The following TMEM108 variants were observed in gnomAD, a reference collection of about 807,000 sequenced individuals.
TMEM108 encodes the protein cancer/testis antigen 124.
In TMEM108, 12 loss-of-function variants were observed where a neutral mutation model predicts 35.1. The ratio of observed to expected loss-of-function variants is 0.34; its 90% confidence interval spans 0.22 to 0.55. The LOEUF (loss-of-function observed/expected upper bound fraction) is 0.55, where lower values mean the gene tolerates loss of function less well. TMEM108 is among the 20% of genes least tolerant of loss of function. TMEM108 has a pLI of 0.89. For missense variants in TMEM108, 680 were observed against 753.3 expected (o/e 0.90, Z 1.14); for synonymous variants, 287 against 308.6 (o/e 0.93, Z 0.73).
chr3:133,379,928 C>T lies in TMEM108; in HGVS notation c.217C>T (p.Pro73Ser), dbSNP rs202042493. 6.2e-7 allele frequency: 1 copy of T among 1,613,496 alleles called. No individual in the cohort carries two copies. Among genetic ancestry groups the T allele is most frequent in the Non-Finnish European group, 8.5e-7 (1 of 1,179,778 alleles). The change falls in exon 4 of 6, where the codon CCC (proline) becomes TCC (serine). Residue 73 changes from proline to serine, a missense_variant. Physicochemically the swap from Pro to Ser is moderately conservative, Grantham distance 74 (BLOSUM62 -1). This residue lies in a region of TMEM108 where 526 missense variants were observed against 532.1 expected (regional missense o/e 0.99). Transcript: ENST00000321871. ...GATGCTGACCCCCAATCCCGATGGACCCCCCTCACAGGCTGCAGCTCCCAT... is the reference window on the plus strand; with the variant it reads ...GATGCTGACCCCCAATCCCGATGGATCCCCCTCACAGGCTGCAGCTCCCAT... The part of the protein sequence containing the change: ...VVMLTPNPDG[P>S]PSQAAAPMAT...
At chr3:133,297,821 C>G (rs562168757) in intron 3 of TMEM108, among the ~76,000 whole-genome samples, 2 of 152,104 alleles carry the variant, frequency 1.3e-5, no homozygotes, top group Non-Finnish European at 1.5e-5. Context: ...CCCCTCCAGG[C>G]GAAAGCTGAT....
intron 3 of TMEM108, among the ~76,000 whole-genome samples, chr3:133,357,405 T>C (rs185645155): frequency 6.2e-4 from 94 of 152,310 alleles, no homozygotes; most frequent in Middle Eastern, 6.8e-3. Context: ...TCTATCATTC[T>C]ATCCAGCAAT....
intron 3 of TMEM108, among the ~76,000 whole-genome samples, chr3:133,324,030 A>G (rs2071299136): frequency 6.6e-6 from 1 of 152,212 alleles, no homozygotes; most frequent in Non-Finnish European, 1.5e-5. Context: ...TCAACTCAAG[A>G]TAGATCAAAG....
chr3:133,120,994 C>T (rs1323477212), intron 2 of TMEM108: 2 of 152,178 alleles, frequency 1.3e-5, no homozygotes, highest in Non-Finnish European at 2.9e-5. Flanking sequence ...TGAACTGTAT[C>T]GATATGTTAT....
intron 3 of TMEM108, among the ~76,000 whole-genome samples, chr3:133,231,179 A>G (rs997717040): frequency 2.0e-5 from 3 of 152,236 alleles, no homozygotes; most frequent in Non-Finnish European, 2.9e-5. Flanking sequence ...TAGCATCAAC[A>G]CACACAATAT....
intron 3 of TMEM108, among the ~76,000 whole-genome samples, chr3:133,233,012 G>C (rs1048606999): frequency 6.8e-6 from 1 of 148,034 alleles, no homozygotes; most frequent in African/African-American, 2.5e-5. Flanking sequence ...TCAAATCCTA[G>C]GTTTACCACT....
intron 2 of TMEM108, among the ~76,000 whole-genome samples, chr3:133,199,696 T>C (rs1376721318): frequency 6.6e-6 from 1 of 152,204 alleles, no homozygotes; most frequent in Admixed American, 6.5e-5. Context: ...AGTCGGCCTC[T>C]ACTGGGAGGT....
intron 3 of TMEM108, among the ~76,000 whole-genome samples, chr3:133,326,329 G>A (rs915624086): frequency 1.3e-5 from 2 of 152,096 alleles, no homozygotes; most frequent in African/African-American, 4.8e-5. Context: ...CCTATTCTGG[G>A]TCTTTGGCTT....
At chr3:133,158,502 A>C (rs1944915120) in intron 2 of TMEM108, among the ~76,000 whole-genome samples, 1 of 150,990 alleles carries the variant, frequency 6.6e-6, no homozygotes, top group Non-Finnish European at 1.5e-5. Context: ...AAAGAAAGAA[A>C]TTGTTGTGAC....
intron 2 of TMEM108, among the ~76,000 whole-genome samples, chr3:133,107,030 T>A (rs1944161176): frequency 6.6e-6 from 1 of 152,172 alleles, no homozygotes; most frequent in East Asian, 1.9e-4. Context: ...TTGAACAGAT[T>A]GTAAAAAACT....
intron 2 of TMEM108, among the ~76,000 whole-genome samples, chr3:133,073,476 GTATTC>G (rs1294507098): frequency 4.1e-5 from 3 of 73,626 alleles, no homozygotes; most frequent in African/African-American, 6.3e-5. Flanking sequence ...AGGCTGAATA[GTATTC>G]TATTCTCTCT....
chr3:133,058,849 G>T (rs1943504344), intron 2 of TMEM108, among the ~76,000 whole-genome samples: 1 of 152,228 alleles, frequency 6.6e-6, no homozygotes, highest in Non-Finnish European at 1.5e-5. Flanking sequence ...CCTGCACTGT[G>T]AGAGGCACAT....
rs1224768499 is a variant in TMEM108 at position 133,202,828 on chromosome 3, G to C, written c.-46-26438G>C. On this transcript the variant is annotated intron_variant, in intron 2 of 5. Transcript: ENST00000321871. ...AAATTAGTTTTTCTAATTCTGTGAA[G>C]AAAGTCAGTGGTAGCTTGATGGGGA... is the stretch of plus-strand genomic sequence containing the variant. Among the ~76,000 whole-genome samples, 7 of 152,166 alleles carry C rather than the reference G, an allele frequency of 4.6e-5. No homozygotes were observed. The East Asian group carries it at 1.3e-3, about 29-fold the overall frequency.
At chr3:133,119,877 C>G (rs759028954) in intron 2 of TMEM108, among the ~76,000 whole-genome samples, 9 of 152,198 alleles carry the variant, frequency 5.9e-5, no homozygotes, top group Non-Finnish European at 1.2e-4. Flanking sequence ...TGCATATCAT[C>G]TGGTACAATT....
chr3:133,217,211 T>C (rs1382665594), intron 2 of TMEM108, among the ~76,000 whole-genome samples: 1 of 152,090 alleles, frequency 6.6e-6, no homozygotes, highest in Non-Finnish European at 1.5e-5. Context: ...TTCATGAACC[T>C]CTGGACCATG....
At chr3:133,092,234 C>G (rs1408054354) in intron 2 of TMEM108, among the ~76,000 whole-genome samples, 1 of 152,204 alleles carries the variant, frequency 6.6e-6, no homozygotes, top group African/African-American at 2.4e-5. Context: ...TACAGCCTGA[C>G]AAGGAACCAG....
chr3:133,289,033 T>C (rs967849676), intron 3 of TMEM108, among the ~76,000 whole-genome samples: 1 of 151,876 alleles, frequency 6.6e-6, no homozygotes, highest in Non-Finnish European at 1.5e-5. Context: ...ACCATGTGAG[T>C]CCCCATATAG....
chr3:133,119,705 G>T (rs1245349314), intron 2 of TMEM108, among the ~76,000 whole-genome samples: 1 of 152,166 alleles, frequency 6.6e-6, no homozygotes, highest in African/African-American at 2.4e-5. Flanking sequence ...GTCCTAGGAG[G>T]ATTTCTTCTT....
intron 3 of TMEM108, among the ~76,000 whole-genome samples, chr3:133,257,554 T>C (rs1233655269): frequency 6.6e-6 from 1 of 152,222 alleles, no homozygotes; most frequent in African/African-American, 2.4e-5. Flanking sequence ...AAGTATTGTG[T>C]TTCTCCCTCT....
Sources: allele counts gnomAD v4.1 joint callset (sites outside exome capture counted in the v4.1 genomes callset), GRCh38; gene constraint gnomAD v4.1.1; regional missense constraint gnomAD v4.1.1; transcripts MANE v1.5; gene names NCBI Gene and HGNC (gene_info 2026-07-23, HGNC 2026-07-21).